The following THSD4 variants were observed in gnomAD, a reference collection of about 807,000 sequenced individuals.
THSD4 encodes the protein thrombospondin type-1 domain-containing protein 4.
THSD4 carries 69 observed loss-of-function variants against 119.0 expected under a neutral mutation model. The ratio of observed to expected loss-of-function variants is 0.58; its 90% CI spans 0.48 to 0.71. THSD4 has a LOEUF of 0.71. THSD4 is among the 30% of genes least tolerant of loss of function. The pLI is 0.00. For synonymous variants in THSD4, 524 were observed against 540.4 expected (o/e 0.97, Z 0.42); for missense variants, 1,393 against 1,391.1 (o/e 1.00, Z -0.02).
rs71154785 is a variant in THSD4, at chr15:71,567,602, CCA to C, written c.1153-92909_1153-92908del. Among the ~76,000 whole-genome samples the C allele has an allele frequency of 3.4e-4, 49 of 142,578 alleles. 2 individuals are homozygous for C. The South Asian group carries it at 7.6e-3, about 22-fold the overall frequency. 93.5% of individuals were successfully genotyped at this position (142,578 alleles called of 152,430 possible). On this transcript the variant is annotated intron_variant, in intron 7 of 17. Coordinates refer to ENST00000261862, the MANE Select transcript of THSD4 (RefSeq NM_024817.3). ...CCTGGACAAGAACAAAGACACCCCC[CCA>C]CACACACACACACACACATGAAAGA... is the stretch of plus-strand genomic sequence containing the variant.
chr15:71,660,249 A>G (rs2051275682), intron 7 of THSD4, among the ~76,000 whole-genome samples: 1 of 152,158 alleles, frequency 6.6e-6, no homozygotes, highest in South Asian at 2.1e-4. Flanking sequence ...GGATTTTCAG[A>G]ACAACTTCAC....
chr15:71,761,411 C>G (rs796469674), intron 15 of THSD4, among the ~76,000 whole-genome samples: 100 of 152,268 alleles, frequency 6.6e-4, no homozygotes, highest in African/African-American at 2.3e-3. Context: ...TTGATATTAT[C>G]TGGATCTAGC....
chr15:71,128,502 G>A lies in THSD4; in HGVS notation c.-80+12804G>A, dbSNP rs191198583. 1.7e-4 allele frequency among the ~76,000 whole-genome samples: 26 copies of A among 148,978 alleles called. No homozygotes were observed. In the East Asian group the frequency reaches 5.1e-3, roughly 29 times the overall value. On this transcript the variant is annotated intron_variant, in intron 1 of 17. Coordinates refer to ENST00000261862, the MANE Select transcript of THSD4 (RefSeq NM_024817.3). Reference sequence around the variant, plus strand: ...AGATCACGCCACTGCACTCCAGCCTGGGTGACACAGTGAGACTCTGCCTCA... The same window carrying A: ...AGATCACGCCACTGCACTCCAGCCTAGGTGACACAGTGAGACTCTGCCTCA...
chr15:71,545,939 A>G (rs1157708491), intron 7 of THSD4, among the ~76,000 whole-genome samples: 1 of 152,196 alleles, frequency 6.6e-6, no homozygotes, highest in Admixed American at 6.5e-5. Flanking sequence ...ATGCAGGAAA[A>G]TGCTCATAAC....
chr15:71,311,678 C>G (rs746398586), intron 6 of THSD4, among the ~76,000 whole-genome samples: 20 of 152,160 alleles, frequency 1.3e-4, no homozygotes, highest in Non-Finnish European at 2.8e-4. Context: ...CCCTTTTATC[C>G]TTGTGTATCA....
intron 3 of THSD4, among the ~76,000 whole-genome samples, chr15:71,211,524 C>G (rs551839807): frequency 5.3e-5 from 8 of 152,222 alleles, no homozygotes; most frequent in Admixed American, 4.6e-4. Flanking sequence ...TAAATCCTAT[C>G]ATGGGGGCCT....
intron 7 of THSD4, among the ~76,000 whole-genome samples, chr15:71,622,349 A>C (rs113331906): frequency 1.3e-5 from 2 of 152,338 alleles, no homozygotes; most frequent in Non-Finnish European, 2.9e-5. Context: ...AGTTTAATTA[A>C]ACCTTTTCTA....
chr15:71,526,810 A>T (rs184839495), intron 7 of THSD4, among the ~76,000 whole-genome samples: 30 of 152,334 alleles, frequency 2.0e-4, no homozygotes, highest in Non-Finnish European at 4.1e-4. Flanking sequence ...GATTCAACCT[A>T]GAATAGATTC....
chr15:71,573,099 C>T (rs4395029), intron 7 of THSD4, among the ~76,000 whole-genome samples: 2,392 of 152,190 alleles, frequency 0.016, 66 homozygotes, highest in African/African-American at 0.054. Flanking sequence ...GGGAAATACA[C>T]TGTGGCATCT....
chr15:71,774,090 A>G (rs534160859), intron 17 of THSD4, among the ~76,000 whole-genome samples: 6 of 152,142 alleles, frequency 3.9e-5, no homozygotes, highest in Admixed American at 2.0e-4. Context: ...AAACCGGTGG[A>G]TCACTTGGGC....
chr15:71,577,709 A>AT (rs1555428637), intron 7 of THSD4, among the ~76,000 whole-genome samples: 56 of 109,578 alleles, frequency 5.1e-4, no homozygotes, highest in African/African-American at 1.8e-3. Context: ...ACCTTTATTT[A>AT]TTTATTTTAT....
chr15:71,739,185 C>T (rs1595906071), intron 11 of THSD4, among the ~76,000 whole-genome samples: 1 of 152,040 alleles, frequency 6.6e-6, no homozygotes, highest in East Asian at 1.9e-4. Flanking sequence ...CATACTATCC[C>T]GGTAAAATCC....
At chr15:71,344,104 T>C (rs2045620412) in intron 6 of THSD4, among the ~76,000 whole-genome samples, 1 of 147,812 alleles carries the variant, frequency 6.8e-6, no homozygotes. Flanking sequence ...AGTGGCGCGA[T>C]CTCTGCTCAC....
At chr15:71,678,515 G>A (rs1457707906) in intron 8 of THSD4, among the ~76,000 whole-genome samples, 1 of 152,140 alleles carries the variant, frequency 6.6e-6, no homozygotes, top group East Asian at 1.9e-4. Context: ...AAGAAGTTGA[G>A]CACCCTTTCC....
At chr15:71,364,163 C>T (rs540538451) in intron 6 of THSD4, among the ~76,000 whole-genome samples, 3 of 152,182 alleles carry the variant, frequency 2.0e-5, no homozygotes, top group East Asian at 3.9e-4. Flanking sequence ...GTGGGGTGGA[C>T]AATTTCAGAG....
chr15:71,649,903 C>T (rs2140978565), intron 7 of THSD4, among the ~76,000 whole-genome samples: 2 of 152,268 alleles, frequency 1.3e-5, no homozygotes, highest in South Asian at 4.1e-4. Context: ...CAACCATTTC[C>T]TGGTGAAAAC....
At chr15:71,416,173 A>G (rs910811054) in intron 7 of THSD4, among the ~76,000 whole-genome samples, 12 of 152,228 alleles carry the variant, frequency 7.9e-5, no homozygotes, top group Admixed American at 1.3e-4. Flanking sequence ...GTTGCAAATG[A>G]CAGGATCTCA....
chr15:71,242,810 A>C lies in THSD4; in HGVS notation c.626A>C (p.His209Pro). The C allele has an allele frequency of 1.2e-6, 2 of 1,614,168 alleles. No individual in the cohort carries two copies. The highest frequency in any genetic ancestry group is 1.7e-6 in the Non-Finnish European group (2 of 1,180,036). ...SRSQGASSARHGYSSPAHQVP... is the reference protein window; with the variant it reads ...SRSQGASSARPGYSSPAHQVP... The stretch of plus-strand genomic sequence containing the variant: ...TCCCAGGGAGCATCTTCTGCTAGGC[A>C]TGGCTACAGTTCACCAGCCCACCAG... The change falls in exon 5 of 18, where the codon CAT (histidine) becomes CCT (proline). Residue 209 changes from histidine (H) to proline (P), a missense_variant. Physicochemically the swap from His to Pro is moderately conservative, Grantham distance 77. Transcript: ENST00000261862.
At chr15:71,151,904 C>T (rs2040725957) in intron 2 of THSD4, among the ~76,000 whole-genome samples, 1 of 152,128 alleles carries the variant, frequency 6.6e-6, no homozygotes, top group Non-Finnish European at 1.5e-5. Flanking sequence ...TAGACCTGTA[C>T]CATTAGCTTC....
Sources: gnomAD v4.1 joint callset for allele counts (sites outside exome capture counted in the v4.1 genomes callset) on GRCh38, gnomAD v4.1.1 for gene constraint, MANE v1.5 for transcripts, NCBI Gene and HGNC (gene_info 2026-07-23, HGNC 2026-07-21) for gene names.